ARHGAP12: variants seen among roughly 807,000 people sequenced by gnomAD.
ARHGAP12 encodes the protein rho GTPase-activating protein 12.
A neutral mutation model predicts 108.6 loss-of-function variants in ARHGAP12; 64 were observed. The observed-to-expected ratio is 0.59, with a 90% CI of 0.48 to 0.73. ARHGAP12 has a LOEUF of 0.73. Ranked by LOEUF, ARHGAP12 falls within the 30% of genes least tolerant of loss-of-function variation. The probability of loss-of-function intolerance (pLI) is 0.00; values close to 1 mark genes in which losing one functional copy is unlikely to be tolerated. For synonymous variants in ARHGAP12, 312 were observed against 337.2 expected (o/e 0.93, Z 0.82); for missense variants, 940 against 1,005.9 (o/e 0.93, Z 0.89).
At chr10:31,918,882 G>A (rs538933167) in intron 1 of ARHGAP12, among the ~76,000 whole-genome samples, 1 of 152,264 alleles carries the variant, frequency 6.6e-6, no homozygotes, top group African/African-American at 2.4e-5. Flanking sequence ...TTCCACTTCT[G>A]GGTATACACC....
At chr10:31,890,692 A>G (rs1051148330) in intron 3 of ARHGAP12, among the ~76,000 whole-genome samples, 1 of 152,208 alleles carries the variant, frequency 6.6e-6, no homozygotes, top group Admixed American at 6.5e-5. Context: ...GACACTATTA[A>G]CTGGCTATTC....
At position 31,843,593 on chromosome 10, in the gene ARHGAP12, CA is replaced by C; in HGVS notation, c.1171-8del. 1 of 1,575,392 alleles carries C rather than the reference CA, an allele frequency of 6.3e-7. No homozygotes were observed. Among genetic ancestry groups the C allele is most frequent in the Non-Finnish European group, 8.6e-7 (1 of 1,168,252 alleles). ...GCTGGGATGAAGCATTATACTAAAA[CA>C]AAACAAAGCAAAAAACACAAAAAAC... On this transcript the variant is annotated splice_region_variant and splice_polypyrimidine_tract_variant and intron_variant, in intron 6 of 19. Coordinates refer to ENST00000344936, the MANE Select transcript of ARHGAP12 (RefSeq NM_018287.7).
intron 3 of ARHGAP12, among the ~76,000 whole-genome samples, chr10:31,875,724 T>C (rs1442421440): frequency 1.3e-5 from 2 of 152,242 alleles, no homozygotes; most frequent in Non-Finnish European, 2.9e-5. Context: ...TTCTCATGTG[T>C]ACAGGTCGGT....
intron 3 of ARHGAP12, among the ~76,000 whole-genome samples, chr10:31,874,744 C>T (rs911130205): frequency 6.6e-5 from 10 of 151,884 alleles, no homozygotes; most frequent in African/African-American, 1.9e-4. Flanking sequence ...GCGGCCGAGG[C>T]GTGCGGATCA....
Position 31,843,467 on chromosome 10 carries a change from A to C in ARHGAP12, c.1290T>G (p.Asn430Lys). Reference sequence around the variant, plus strand: ...AAAATCTCAACAGTCCTACCTTATCATTAGTGTCCAATACAATGGTGCTAT... The same window carrying C: ...AAAATCTCAACAGTCCTACCTTATCCTTAGTGTCCAATACAATGGTGCTAT... The part of the protein sequence containing the change: ...WRHSTIVLDT[N>K]DKESPTASKP... Residue 430 changes from asparagine to lysine, a missense_variant, in exon 7 of 20, where the codon AAT (asparagine) becomes AAG (lysine). Physicochemically the swap from Asn to Lys is moderately conservative, Grantham distance 94. Coordinates refer to ENST00000344936, the MANE Select transcript of ARHGAP12 (RefSeq NM_018287.7). 6.2e-7 allele frequency: 1 copy of C among 1,612,106 alleles called. No individual in the cohort carries two copies. The highest frequency in any genetic ancestry group is 8.5e-7 in the Non-Finnish European group (1 of 1,179,338).
intron 3 of ARHGAP12, among the ~76,000 whole-genome samples, chr10:31,897,721 A>C (rs1033378769): frequency 1.3e-5 from 2 of 152,208 alleles, no homozygotes; most frequent in African/African-American, 4.8e-5. Context: ...TCAACCAAAA[A>C]TTGCAAGGCA....
chr10:31,837,421 TC>T (rs1402182210), intron 9 of ARHGAP12, among the ~76,000 whole-genome samples: 49 of 152,352 alleles, frequency 3.2e-4, no homozygotes, highest in African/African-American at 1.1e-3. Context: ...TATTTAAACT[TC>T]TTTTAGGAAT....
At chr10:31,839,601 G>T in intron 8 of ARHGAP12, 36 bp downstream of exon 8, 1 of 1,516,246 alleles carries the variant, frequency 6.6e-7, no homozygotes, top group South Asian at 1.2e-5. Context: ...TGAAATAACT[G>T]GACTACATTA....
At chr10:31,885,229 A>G (rs370813767) in intron 3 of ARHGAP12, among the ~76,000 whole-genome samples, 1 of 152,254 alleles carries the variant, frequency 6.6e-6, no homozygotes. Flanking sequence ...AATCATTTTT[A>G]GTAGTTTTTA....
chr10:31,899,265 C>T (rs1457806153), intron 3 of ARHGAP12, among the ~76,000 whole-genome samples: 4 of 152,156 alleles, frequency 2.6e-5, no homozygotes, highest in South Asian at 2.1e-4. Context: ...AGACATAGTC[C>T]TTGTCCATGA....
At chr10:31,921,760 T>TGC (rs1307486213) in intron 1 of ARHGAP12, among the ~76,000 whole-genome samples, 2 of 36,990 alleles carry the variant, frequency 5.4e-5, no homozygotes, top group Non-Finnish European at 8.7e-5. Context: ...CAAGGCTCCA[T>TGC]CTCAAAAAAA....
intron 1 of ARHGAP12, among the ~76,000 whole-genome samples, chr10:31,917,954 T>C (rs1031221950): frequency 9.1e-6 from 1 of 109,930 alleles, no homozygotes; most frequent in African/African-American, 3.1e-5. Flanking sequence ...ATCAAATACC[T>C]TTTTTTTTTT....
At chr10:31,870,375 C>T (rs1837495610) in intron 3 of ARHGAP12, among the ~76,000 whole-genome samples, 1 of 152,048 alleles carries the variant, frequency 6.6e-6, no homozygotes, top group African/African-American at 2.4e-5. Context: ...GGATTACAGG[C>T]ATGCGCCACC....
intron 19 of ARHGAP12, 33 bp downstream of exon 19, chr10:31,808,616 A>G (rs1834905856): frequency 1.9e-6 from 3 of 1,599,484 alleles, no homozygotes; most frequent in Non-Finnish European, 2.6e-6. Flanking sequence ...CCCTTGTGCT[A>G]TACCACATCC....
intron 3 of ARHGAP12, among the ~76,000 whole-genome samples, chr10:31,900,851 G>A (rs1349106380): frequency 6.6e-6 from 1 of 151,926 alleles, no homozygotes; most frequent in Non-Finnish European, 1.5e-5. Flanking sequence ...TTTAATGTAG[G>A]CATTTGAGGT....
intron 3 of ARHGAP12, among the ~76,000 whole-genome samples, chr10:31,899,232 T>C (rs1411387239): frequency 2.0e-5 from 3 of 152,306 alleles, no homozygotes; most frequent in South Asian, 2.1e-4. Context: ...ATGAACGTTA[T>C]CGAAAACAGT....
intron 13 of ARHGAP12, among the ~76,000 whole-genome samples, chr10:31,817,354 G>C (rs1835242312): frequency 6.6e-6 from 1 of 152,154 alleles, no homozygotes; most frequent in South Asian, 2.1e-4. Flanking sequence ...TTGGAGGGGA[G>C]AGGCGGAAAA....
chr10:31,909,663 A>G (rs1839270572), intron 2 of ARHGAP12, among the ~76,000 whole-genome samples: 1 of 152,208 alleles, frequency 6.6e-6, no homozygotes, highest in African/African-American at 2.4e-5. Flanking sequence ...TGGGAGGCTG[A>G]GGCAGGTGGA....
intron 3 of ARHGAP12, among the ~76,000 whole-genome samples, chr10:31,895,162 G>C (rs924398122): frequency 6.6e-6 from 1 of 152,250 alleles, no homozygotes; most frequent in Non-Finnish European, 1.5e-5. Flanking sequence ...GAAAACTTAG[G>C]CAATACCATT....
Sources: allele counts gnomAD v4.1 joint callset (sites outside exome capture counted in the v4.1 genomes callset), GRCh38; gene constraint gnomAD v4.1.1; transcripts MANE v1.5; gene names NCBI Gene and HGNC (gene_info 2026-07-23, HGNC 2026-07-21).